MCTP1: variants seen among roughly 807,000 people sequenced by gnomAD.
The protein encoded by MCTP1 is multiple C2 and transmembrane domain-containing protein 1.
In MCTP1, 69 loss-of-function variants were observed where a neutral mutation model predicts 120.6. The ratio of observed to expected loss-of-function variants is 0.57; its 90% CI spans 0.47 to 0.70. The LOEUF (loss-of-function observed/expected upper bound fraction) is 0.70, where lower values mean the gene tolerates loss of function less well. Among genes scored for constraint, MCTP1 ranks in the 30% least tolerant of loss-of-function variants. MCTP1 has a pLI of 0.00. For synonymous variants in MCTP1, 529 were observed against 493.1 expected (o/e 1.07, Z -0.96); for missense variants, 1,203 against 1,248.8 (o/e 0.96, Z 0.55).
intron 18 of MCTP1, among the ~76,000 whole-genome samples, chr5:94,787,074 TAGAA>T (rs1338869096): frequency 6.6e-6 from 1 of 152,178 alleles, no homozygotes; most frequent in African/African-American, 2.4e-5. Context: ...AGCGAGATGT[TAGAA>T]AGAAGAATTT....
intron 18 of MCTP1, among the ~76,000 whole-genome samples, chr5:94,786,739 C>T (rs902949834): frequency 3.3e-5 from 5 of 151,670 alleles, no homozygotes; most frequent in African/African-American, 9.7e-5. Flanking sequence ...AGTTAAATAA[C>T]CTTTAGGTAA....
Position 94,819,131 on chromosome 5 carries a change from A to T in MCTP1, c.2437-19999T>A, listed in dbSNP as rs937200429. On this transcript the variant is annotated intron_variant, in intron 17 of 22. Transcript: ENST00000515393. ...TATTTATTTATTTATTCATTCATTC[A>T]TTCTTTCATTCATTCGAGATGGAGT... is the stretch of plus-strand genomic sequence containing the variant. 2.3e-4 allele frequency among the ~76,000 whole-genome samples: 34 copies of T among 150,490 alleles called. 2 individuals carry two copies. Among genetic ancestry groups the T allele is most frequent in the African/African-American group, 8.1e-4 (33 of 40,916 alleles).
At chr5:95,198,648 G>A (rs1040265129) in intron 1 of MCTP1, among the ~76,000 whole-genome samples, 3 of 152,024 alleles carry the variant, frequency 2.0e-5, no homozygotes, top group Admixed American at 6.6e-5. Context: ...GTCTTTTCCC[G>A]CTTTTAAAAG....
intron 8 of MCTP1, among the ~76,000 whole-genome samples, chr5:94,913,833 A>C (rs1003200902): frequency 3.9e-5 from 6 of 151,980 alleles, no homozygotes; most frequent in African/African-American, 1.5e-4. Context: ...CTGGGACAAC[A>C]GGCATGCACC....
intron 9 of MCTP1, 45 bp from the exon 10 acceptor site, chr5:94,909,426 A>G: frequency 6.4e-7 from 1 of 1,562,978 alleles, no homozygotes; most frequent in Non-Finnish European, 8.6e-7. Context: ...CAGCTTTTTA[A>G]AAAAAACTTC....
chr5:94,717,062 A>C (rs1285858750), intron 19 of MCTP1, among the ~76,000 whole-genome samples: 1 of 152,148 alleles, frequency 6.6e-6, no homozygotes, highest in Non-Finnish European at 1.5e-5. Flanking sequence ...GTTAAATCCT[A>C]CCTAAAATAG....
chr5:94,847,249 T>C (rs981323895), intron 17 of MCTP1, among the ~76,000 whole-genome samples: 2 of 152,168 alleles, frequency 1.3e-5, no homozygotes, highest in Admixed American at 6.6e-5. Context: ...CAGAGTTCCA[T>C]GCGCTCTGCC....
chr5:95,109,587 A>T (rs1359244728), intron 1 of MCTP1, among the ~76,000 whole-genome samples: 1 of 152,194 alleles, frequency 6.6e-6, no homozygotes, highest in East Asian at 1.9e-4. Context: ...ACAGAGCTGG[A>T]TCATCAAGTT....
At chr5:94,801,289 A>C (rs1256100358) in intron 17 of MCTP1, among the ~76,000 whole-genome samples, 1 of 152,216 alleles carries the variant, frequency 6.6e-6, no homozygotes, top group Non-Finnish European at 1.5e-5. Flanking sequence ...GGATAAATGG[A>C]CACTGGGTTC....
chr5:94,879,194 T>G lies in MCTP1; in HGVS notation c.1934-5953A>C, dbSNP rs1261215021. Among the ~76,000 whole-genome samples, 14 of 152,248 alleles carry G rather than the reference T, an allele frequency of 9.2e-5. No homozygotes were observed. The South Asian group carries it at 2.9e-3, about 32-fold the overall frequency. On this transcript the variant is annotated intron_variant, in intron 12 of 22. Coordinates refer to ENST00000515393, the MANE Select transcript of MCTP1 (RefSeq NM_024717.7). The stretch of plus-strand genomic sequence containing the variant: ...CCATCTTAAGGTCTTTGGTGTATAC[T>G]GTGTGAAATGGCAGCCATTTGCAAG...
At chr5:95,081,785 G>A in intron 1 of MCTP1, 1 of 1,101,554 alleles carries the variant, frequency 9.1e-7, no homozygotes, top group East Asian at 5.3e-5. Context: ...CATATCTGGG[G>A]TTCTAAAATA....
chr5:94,977,066 T>TA (rs893097162), intron 2 of MCTP1, among the ~76,000 whole-genome samples: 7 of 151,850 alleles, frequency 4.6e-5, no homozygotes, highest in South Asian at 4.2e-4. Context: ...ATCTTACACA[T>TA]AAAAAACAGA....
intron 1 of MCTP1, among the ~76,000 whole-genome samples, chr5:95,166,553 AC>A (rs1411498421): frequency 7.0e-6 from 1 of 141,866 alleles, no homozygotes; most frequent in Non-Finnish European, 1.5e-5. Flanking sequence ...CTTATTTACC[AC>A]CCTAATTTTA....
At chr5:94,953,477 T>A (rs1821152478) in intron 2 of MCTP1, 116 bp from the exon 3 acceptor site, 1 of 717,918 alleles carries the variant, frequency 1.4e-6, no homozygotes, top group Non-Finnish European at 2.1e-6. Flanking sequence ...GAAAATTATC[T>A]ATGCAGAAAT....
intron 17 of MCTP1, among the ~76,000 whole-genome samples, chr5:94,847,682 GTATATATA>G (rs373174876): frequency 5.8e-4 from 59 of 102,402 alleles, no homozygotes; most frequent in African/African-American, 2.0e-3. Context: ...GTGTGTGTGT[GTATATATA>G]TATATATATA....
At chr5:94,934,847 T>A (rs371693888) in intron 5 of MCTP1, among the ~76,000 whole-genome samples, 1 of 151,848 alleles carries the variant, frequency 6.6e-6, no homozygotes, top group Admixed American at 6.6e-5. Context: ...CTAGGTTATT[T>A]AAGAGAGTGT....
At chr5:95,014,354 T>A (rs1319666849) in intron 2 of MCTP1, among the ~76,000 whole-genome samples, 1 of 152,136 alleles carries the variant, frequency 6.6e-6, no homozygotes, top group Non-Finnish European at 1.5e-5. Context: ...TTAACCCTTA[T>A]GGATGACTTG....
At chr5:94,920,805 C>A (rs773948720) in intron 7 of MCTP1, among the ~76,000 whole-genome samples, 2 of 151,164 alleles carry the variant, frequency 1.3e-5, no homozygotes, top group African/African-American at 2.4e-5. Flanking sequence ...GTCAAAAACT[C>A]TTCTCCTTAA....
chr5:94,746,522 C>A (rs1249388752), intron 19 of MCTP1, among the ~76,000 whole-genome samples: 4 of 152,116 alleles, frequency 2.6e-5, no homozygotes, highest in South Asian at 2.1e-4. Context: ...AGCTACTACT[C>A]CATTTTAAAT....
Sources: gnomAD v4.1 joint callset for allele counts (sites outside exome capture counted in the v4.1 genomes callset) on GRCh38, gnomAD v4.1.1 for gene constraint, MANE v1.5 for transcripts, NCBI Gene and HGNC (gene_info 2026-07-23, HGNC 2026-07-21) for gene names.